LDLRAD4: variants seen among roughly 807,000 people sequenced by gnomAD.
The protein encoded by LDLRAD4 is low density lipoprotein receptor class A domain containing 4, also known as low-density lipoprotein receptor class A domain-containing protein 4.
LDLRAD4 carries 5 observed loss-of-function variants against 17.0 expected under a neutral mutation model. That is an observed-to-expected ratio of 0.29 (90% CI 0.15 to 0.62). The LOEUF (loss-of-function observed/expected upper bound fraction) is 0.62, where lower values mean the gene tolerates loss of function less well. LDLRAD4 is among the 20% of genes least tolerant of loss of function. LDLRAD4 has a pLI of 0.84. For missense variants in LDLRAD4, 340 were observed against 424.7 expected (o/e 0.80, Z 1.75); for synonymous variants, 168 against 171.8 (o/e 0.98, Z 0.17).
At chr18:13,515,009 G>T (rs1362054732) in intron 3 of LDLRAD4, 1 of 152,222 alleles carries the variant, frequency 6.6e-6, no homozygotes, top group Admixed American at 6.5e-5. Context: ...AGCATGGAAG[G>T]TATTTAGGTG....
chr18:13,418,026 G>A (rs988868581), intron 2 of LDLRAD4, among the ~76,000 whole-genome samples: 3 of 152,222 alleles, frequency 2.0e-5, no homozygotes, highest in Admixed American at 6.5e-5. Flanking sequence ...CTCACATCTC[G>A]TTTAAGGTGC....
intron 1 of LDLRAD4, among the ~76,000 whole-genome samples, chr18:13,325,905 A>C (rs984697089): frequency 3.3e-5 from 5 of 151,784 alleles, no homozygotes; most frequent in African/African-American, 1.2e-4. Flanking sequence ...GGTGCCCGCC[A>C]CCGTGCCTGC....
intron 2 of LDLRAD4, among the ~76,000 whole-genome samples, chr18:13,407,911 C>T (rs2087918441): frequency 6.6e-6 from 1 of 152,180 alleles, no homozygotes; most frequent in Admixed American, 6.5e-5. Context: ...CATAATTAGT[C>T]AGTTTGACAA....
intron 1 of LDLRAD4, among the ~76,000 whole-genome samples, chr18:13,243,677 CATCT>C (rs1486842721): frequency 6.6e-6 from 1 of 150,626 alleles, no homozygotes. Context: ...TCTACCCATC[CATCT>C]ATCATCTCCC....
chr18:13,292,007 C>A (rs1037901187), intron 1 of LDLRAD4, among the ~76,000 whole-genome samples: 1 of 152,138 alleles, frequency 6.6e-6, no homozygotes, highest in Non-Finnish European at 1.5e-5. Flanking sequence ...GGCTACCAAA[C>A]AGAAGTTGGG....
chr18:13,323,444 T>C (rs183673573), intron 1 of LDLRAD4, among the ~76,000 whole-genome samples: 37 of 152,350 alleles, frequency 2.4e-4, no homozygotes, highest in African/African-American at 8.9e-4. Flanking sequence ...AGTTTTTGCG[T>C]CCTGAGCTGG....
Position 13,268,848 on chromosome 18 carries a change from G to A in LDLRAD4, c.-466-9257G>A, listed in dbSNP as rs142495999. Among the ~76,000 whole-genome samples the A allele has an allele frequency of 5.3e-3, 800 of 152,264 alleles. 12 individuals are homozygous for A. The highest frequency in any genetic ancestry group is 0.019 in the African/African-American group (771 of 41,538). On this transcript the variant is annotated intron_variant, in intron 1 of 5. Coordinates refer to the LDLRAD4 transcript ENST00000399848. ...TAAAGACTTTCCAGAACTTGGAGGAGGAAATGATCCTGAGACAAAGTAGTG... is the reference window on the plus strand; with the variant it reads ...TAAAGACTTTCCAGAACTTGGAGGAAGAAATGATCCTGAGACAAAGTAGTG...
chr18:13,470,222 A>G (rs2092730396), intron 3 of LDLRAD4, among the ~76,000 whole-genome samples: 1 of 152,128 alleles, frequency 6.6e-6, no homozygotes, highest in Admixed American at 6.5e-5. Flanking sequence ...GGCTGCAGAA[A>G]TGTTTGTAGA....
intron 3 of LDLRAD4, among the ~76,000 whole-genome samples, chr18:13,555,251 G>C (rs1441811339): frequency 6.6e-6 from 1 of 152,168 alleles, no homozygotes; most frequent in Non-Finnish European, 1.5e-5. Context: ...ATAAACTATA[G>C]ACTTTAGTTA....
chr18:13,240,941 T>G, intron 1 of LDLRAD4: 1 of 150,070 alleles, frequency 6.7e-6, no homozygotes. Context: ...CTTTTCTTTT[T>G]TTTTTGAGAT....
At chr18:13,502,632 CGT>C (rs576155233) in intron 3 of LDLRAD4, among the ~76,000 whole-genome samples, 16,862 of 152,248 alleles carry the variant, frequency 0.11, 1,588 homozygotes, top group African/African-American at 0.26. Flanking sequence ...AGGAACAAGC[CGT>C]GTAGCTCTGC....
intron 1 of LDLRAD4, among the ~76,000 whole-genome samples, chr18:13,360,842 A>G (rs2083621526): frequency 6.6e-6 from 1 of 152,182 alleles, no homozygotes; most frequent in South Asian, 2.1e-4. Context: ...ATGAAGATGA[A>G]AATTCCTGGA....
At chr18:13,296,947 T>A (rs1252634875) in intron 1 of LDLRAD4, among the ~76,000 whole-genome samples, 1 of 152,176 alleles carries the variant, frequency 6.6e-6, no homozygotes, top group Non-Finnish European at 1.5e-5. Context: ...ACTCGTTATG[T>A]GCCCTGGGCA....
intron 1 of LDLRAD4, among the ~76,000 whole-genome samples, chr18:13,385,909 C>A (rs932364971): frequency 1.3e-5 from 2 of 152,188 alleles, no homozygotes; most frequent in African/African-American, 4.8e-5. Flanking sequence ...AGGACTCCTA[C>A]TGGGCCATAC....
At chr18:13,394,993 C>T (rs998297763) in intron 2 of LDLRAD4, among the ~76,000 whole-genome samples, 3 of 152,212 alleles carry the variant, frequency 2.0e-5, no homozygotes, top group Non-Finnish European at 4.4e-5. Flanking sequence ...GTCCTTAATA[C>T]TGGATTCTCC....
intron 1 of LDLRAD4, among the ~76,000 whole-genome samples, chr18:13,283,134 C>T (rs2045387800): frequency 6.6e-6 from 1 of 152,188 alleles, no homozygotes; most frequent in Non-Finnish European, 1.5e-5. Flanking sequence ...CTTTCTGTGC[C>T]TCTGGGCCTG....
intron 3 of LDLRAD4, among the ~76,000 whole-genome samples, chr18:13,535,994 C>T (rs1473488932): frequency 6.6e-6 from 1 of 152,162 alleles, no homozygotes; most frequent in Non-Finnish European, 1.5e-5. Context: ...AGTCTCTATT[C>T]TGTTCCATTG....
intron 1 of LDLRAD4, among the ~76,000 whole-genome samples, chr18:13,226,757 A>ATAAAG (rs2041830245): frequency 6.6e-6 from 1 of 152,016 alleles, no homozygotes; most frequent in Non-Finnish European, 1.5e-5. Flanking sequence ...ATAAAATAAA[A>ATAAAG]TAGAATTAAA....
chr18:13,364,062 A>C (rs1387618565), intron 1 of LDLRAD4, among the ~76,000 whole-genome samples: 1 of 152,208 alleles, frequency 6.6e-6, no homozygotes, highest in African/African-American at 2.4e-5. Context: ...CTAAAGAATA[A>C]ATATAATTAG....
Sources: gnomAD v4.1 joint callset for allele counts (sites outside exome capture counted in the v4.1 genomes callset) on GRCh38, gnomAD v4.1.1 for gene constraint, MANE v1.5 for transcripts, NCBI Gene and HGNC (gene_info 2026-07-23, HGNC 2026-07-21) for gene names.